TLL1: variants seen among roughly 807,000 people sequenced by gnomAD.
TLL1 encodes tolloid like 1, also known as tolloid-like protein 1.
TLL1 carries 49 observed loss-of-function variants against 128.2 expected under a neutral mutation model. The ratio of observed to expected loss-of-function variants is 0.38; its 90% CI spans 0.30 to 0.48. The LOEUF (loss-of-function observed/expected upper bound fraction) is 0.48, where lower values mean the gene tolerates loss of function less well. Ranked by LOEUF, TLL1 falls within the 20% of genes least tolerant of loss-of-function variation. The pLI is 0.96. For synonymous variants in TLL1, 454 were observed against 418.8 expected (o/e 1.08, Z -1.03); for missense variants, 1,123 against 1,242.0 (o/e 0.90, Z 1.44).
rs900602193 is a variant in TLL1, at chr4:166,014,549, A to G, written c.1031A>G (p.Tyr344Cys). ...KGDIAQARKL[Y>C]RCPACGETLQ... ...GATATCGCACAGGCAAGAAAGCTGTATAGATGTCCAGGTATTGCACTACAC... is the reference window on the plus strand; with the variant it reads ...GATATCGCACAGGCAAGAAAGCTGTGTAGATGTCCAGGTATTGCACTACAC... Residue 344 changes from tyrosine (Y) to cysteine (C), a missense_variant, in exon 8 of 21, where the codon TAT (tyrosine) becomes TGT (cysteine). By Grantham distance (194) the Tyr-to-Cys change is radical. Transcript: ENST00000061240. The G allele has an allele frequency of 3.1e-6, 5 of 1,611,884 alleles. No homozygotes were observed. Among genetic ancestry groups the G allele is most frequent in the Non-Finnish European group, 4.2e-6 (5 of 1,178,494 alleles).
intron 1 of TLL1, among the ~76,000 whole-genome samples, chr4:165,902,084 G>A (rs1732020371): frequency 6.6e-6 from 1 of 152,102 alleles, no homozygotes; most frequent in Admixed American, 6.6e-5. Flanking sequence ...AATGGTGGAT[G>A]CCCCTCCCCC....
chr4:165,956,481 C>A (rs1310641614), intron 1 of TLL1, among the ~76,000 whole-genome samples: 1 of 151,958 alleles, frequency 6.6e-6, no homozygotes, highest in Non-Finnish European at 1.5e-5. Flanking sequence ...AAGAATTTAG[C>A]AATATCTCTC....
At chr4:166,063,913 T>C (rs1740455549) in intron 15 of TLL1, among the ~76,000 whole-genome samples, 1 of 151,862 alleles carries the variant, frequency 6.6e-6, no homozygotes, top group Non-Finnish European at 1.5e-5. Context: ...AGTTAATGGG[T>C]GCAGCATACC....
At chr4:166,059,444 A>T (rs1411183960) in intron 14 of TLL1, among the ~76,000 whole-genome samples, 2 of 152,144 alleles carry the variant, frequency 1.3e-5, no homozygotes, top group African/African-American at 4.8e-5. Context: ...GAAAATCAGT[A>T]TTTAAATTGG....
At chr4:166,000,381 A>G (rs1005437416) in intron 5 of TLL1, among the ~76,000 whole-genome samples, 3 of 152,158 alleles carry the variant, frequency 2.0e-5, no homozygotes, top group African/African-American at 7.2e-5. Context: ...AAAACACCAC[A>G]TTTTTGTTTT....
Position 166,090,665 on chromosome 4 carries a change from G to A in TLL1, c.2443-463G>A, listed in dbSNP as rs62329072. ...TTCATTTATGCTATGAAGATTTGTT[G>A]CATTTAAGTTTTGTAAAAATATAAT... On this transcript the variant is annotated intron_variant, in intron 18 of 20. Coordinates refer to ENST00000061240, the MANE Select transcript of TLL1 (RefSeq NM_012464.5). Among the ~76,000 whole-genome samples the A allele has an allele frequency of 9.4e-3, 1,431 of 152,076 alleles. 4 individuals are homozygous for A. Among genetic ancestry groups the A allele is most frequent in the Non-Finnish European group, 0.016 (1,091 of 67,928 alleles).
At chr4:166,020,495 G>A (rs992444693) in intron 8 of TLL1, among the ~76,000 whole-genome samples, 6 of 152,150 alleles carry the variant, frequency 3.9e-5, no homozygotes, top group Admixed American at 6.6e-5. Context: ...ATTTTCTCTC[G>A]TCTTAAATGA....
At chr4:166,025,476 C>T (rs1560819650) in intron 9 of TLL1, 45 bp downstream of exon 9, 1 of 1,392,424 alleles carries the variant, frequency 7.2e-7, no homozygotes, top group Non-Finnish European at 1.0e-6. Flanking sequence ...TATATAAGTA[C>T]AAAAGTTCAT....
rs1488853065 is a variant in TLL1 at position 166,043,347 on chromosome 4, G to A, written c.1452G>A (p.Pro484=). ...CCAATTATCCTGATGACTATCGCCC[G>A]ATGAAAGAATGTGTGTGGAAAATAA... ...QSPNYPDDYR[P]MKECVWKITV... Residue 484 remains proline, a synonymous_variant, in exon 12 of 21, where the codon CCG becomes CCA. Transcript: ENST00000061240. 4.3e-6 allele frequency: 7 copies of A among 1,614,006 alleles called. No homozygotes were observed. Among genetic ancestry groups the A allele is most frequent in the African/African-American group, 2.7e-5 (2 of 74,934 alleles).
At chr4:166,035,728 G>T (rs1219552139) in intron 9 of TLL1, among the ~76,000 whole-genome samples, 1 of 152,126 alleles carries the variant, frequency 6.6e-6, no homozygotes, top group Non-Finnish European at 1.5e-5. Flanking sequence ...AGAACATAGA[G>T]TAAATATATT....
At chr4:166,065,657 C>A (rs1740535326) in intron 15 of TLL1, 26 bp from the exon 16 acceptor site, 1 of 1,611,002 alleles carries the variant, frequency 6.2e-7, no homozygotes, top group Non-Finnish European at 8.5e-7. Flanking sequence ...ACAAATCTGG[C>A]AACTGATAAC....
intron 1 of TLL1, among the ~76,000 whole-genome samples, chr4:165,931,052 G>A (rs1010904805): frequency 1.3e-5 from 2 of 152,100 alleles, no homozygotes; most frequent in African/African-American, 4.8e-5. Context: ...TAGGATAATT[G>A]TTACCTCTCT....
At chr4:165,901,852 C>T (rs983332019) in intron 1 of TLL1, among the ~76,000 whole-genome samples, 2 of 152,192 alleles carry the variant, frequency 1.3e-5, no homozygotes, top group African/African-American at 2.4e-5. Flanking sequence ...ACAGCCACCC[C>T]TTACCCCAGG....
chr4:166,072,313 G>A (rs1487507045), intron 16 of TLL1, among the ~76,000 whole-genome samples: 1 of 151,840 alleles, frequency 6.6e-6, no homozygotes, highest in Non-Finnish European at 1.5e-5. Flanking sequence ...GATACTTAGA[G>A]AATAATGACT....
intron 8 of TLL1, among the ~76,000 whole-genome samples, chr4:166,021,802 G>A (rs761748606): frequency 6.6e-6 from 1 of 151,974 alleles, no homozygotes; most frequent in Non-Finnish European, 1.5e-5. Context: ...CTCTTTTCTG[G>A]ACAGCTTGCA....
chr4:165,932,031 A>G (rs1457609072), intron 1 of TLL1, among the ~76,000 whole-genome samples: 1 of 152,176 alleles, frequency 6.6e-6, no homozygotes, highest in Non-Finnish European at 1.5e-5. Flanking sequence ...GGTGATAAGC[A>G]GATGTTTGCA....
At chr4:166,096,092 A>G (rs1437799098) in intron 19 of TLL1, among the ~76,000 whole-genome samples, 1 of 152,102 alleles carries the variant, frequency 6.6e-6, no homozygotes, top group African/African-American at 2.4e-5. Flanking sequence ...CTCAGGGCAT[A>G]TTATAGGTTG....
rs1579451828 is a variant in TLL1, at chr4:165,894,974, TAAAC to T, written c.169+20903_169+20906del. The stretch of plus-strand genomic sequence containing the variant: ...ACTATATAATTTTAAAATTATATAA[TAAAC>T]AGATTGTGTGACCATCATTCAGTAT... On this transcript the variant is annotated intron_variant, in intron 1 of 20. Coordinates refer to ENST00000061240, the MANE Select transcript of TLL1 (RefSeq NM_012464.5). 6.6e-5 allele frequency among the ~76,000 whole-genome samples: 10 copies of T among 152,100 alleles called. 1 individual carries two copies. Among genetic ancestry groups the T allele is most frequent in the Admixed American group, 2.6e-4 (4 of 15,284 alleles).
At chr4:166,003,716 T>TG in intron 6 of TLL1, 147 bp downstream of exon 6, 4 of 822,696 alleles carry the variant, frequency 4.9e-6, no homozygotes, top group Non-Finnish European at 7.9e-6. Context: ...AAATCACCCA[T>TG]GATGATTTTA....
Sources: allele counts gnomAD v4.1 joint callset (sites outside exome capture counted in the v4.1 genomes callset), GRCh38; gene constraint gnomAD v4.1.1; transcripts MANE v1.5; gene names NCBI Gene and HGNC (gene_info 2026-07-23, HGNC 2026-07-21).